MGLL: variants seen among roughly 807,000 people sequenced by gnomAD.
MGLL encodes lysophospholipase homolog.
A neutral mutation model predicts 29.1 loss-of-function variants in MGLL; 7 were observed. The observed-to-expected ratio is 0.24, with a 90% confidence interval of 0.14 to 0.45. The LOEUF (loss-of-function observed/expected upper bound fraction) is 0.45, where lower values mean the gene tolerates loss of function less well. MGLL is among the 20% of genes least tolerant of loss of function. The pLI is 0.99. For missense variants in MGLL, 356 were observed against 413.6 expected, an observed-to-expected ratio of 0.86 and a Z score of 1.21; for synonymous variants, 148 against 168.3, an observed-to-expected ratio of 0.88 and a Z score of 0.93.
At position 127,767,124 on chromosome 3, in the gene MGLL, T is replaced by C. The variant is rs146477118; in HGVS notation, c.262+14665A>G. Among the ~76,000 whole-genome samples the C allele has an allele frequency of 2.7e-3, 403 of 150,022 alleles. 2 individuals are homozygous for C. Among genetic ancestry groups the C allele is most frequent in the African/African-American group, 9.4e-3 (381 of 40,616 alleles). Reference sequence around the variant, plus strand: ...CCCCAAAAAACTAGTTAGGAAATTATCCTTTAAGGCTTACCTTCCTCATAT... The same window carrying C: ...CCCCAAAAAACTAGTTAGGAAATTACCCTTTAAGGCTTACCTTCCTCATAT... On this transcript the variant is annotated intron_variant, in intron 3 of 7. Transcript: ENST00000265052.
intron 6 of MGLL, among the ~76,000 whole-genome samples, chr3:127,706,991 C>T (rs2075615616): frequency 6.6e-6 from 1 of 152,194 alleles, no homozygotes; most frequent in African/African-American, 2.4e-5. Flanking sequence ...GAGCCAACTC[C>T]TCGACATTGG....
At chr3:127,730,145 A>G (rs1317595718) in intron 3 of MGLL, among the ~76,000 whole-genome samples, 6 of 152,162 alleles carry the variant, frequency 3.9e-5, no homozygotes, top group Non-Finnish European at 8.8e-5. Context: ...AGATTTCTGC[A>G]TCCAGTCTCC....
intron 7 of MGLL, 112 bp from the exon 8 acceptor site, chr3:127,692,435 A>G: frequency 5.8e-6 from 8 of 1,389,894 alleles, no homozygotes; most frequent in African/African-American, 1.4e-5. Context: ...CCCTCTCCCT[A>G]TGCCCGAGGA....
At chr3:127,735,695 C>G (rs1559933184) in intron 3 of MGLL, 2 of 1,594,754 alleles carry the variant, frequency 1.3e-6, no homozygotes, top group East Asian at 2.2e-5. Context: ...AATGAAACAG[C>G]TGAACATACC....
chr3:127,756,142 A>G (rs1023598307), intron 3 of MGLL, among the ~76,000 whole-genome samples: 2 of 152,256 alleles, frequency 1.3e-5, no homozygotes, highest in African/African-American at 4.8e-5. Flanking sequence ...GCAAAGAGGT[A>G]AATGAAGCTA....
At chr3:127,778,218 C>G (rs1239834967) in intron 3 of MGLL, among the ~76,000 whole-genome samples, 1 of 152,226 alleles carries the variant, frequency 6.6e-6, no homozygotes, top group Non-Finnish European at 1.5e-5. Context: ...GTGAAACCAC[C>G]ATAGGCAGCT....
At chr3:127,773,864 G>A (rs557581197) in intron 3 of MGLL, among the ~76,000 whole-genome samples, 5 of 152,158 alleles carry the variant, frequency 3.3e-5, no homozygotes, top group African/African-American at 7.2e-5. Context: ...TCCTAGGGTC[G>A]CCACCCAAGT....
intron 3 of MGLL, among the ~76,000 whole-genome samples, chr3:127,735,076 G>A (rs2076220708): frequency 6.6e-6 from 1 of 152,208 alleles, no homozygotes; most frequent in Non-Finnish European, 1.5e-5. Flanking sequence ...CCCAAAGGAA[G>A]AATTAAAGTC....
intron 2 of MGLL, among the ~76,000 whole-genome samples, chr3:127,804,287 C>T (rs1354952491): frequency 1.3e-5 from 2 of 152,194 alleles, no homozygotes; most frequent in Non-Finnish European, 2.9e-5. Flanking sequence ...CCCAGGAGGC[C>T]GGCAGTGAGC....
At chr3:127,771,748 C>G (rs764244390) in intron 3 of MGLL, among the ~76,000 whole-genome samples, 1 of 152,224 alleles carries the variant, frequency 6.6e-6, no homozygotes, top group Non-Finnish European at 1.5e-5. Flanking sequence ...TAGTGCCACA[C>G]TTACCATCTG....
At chr3:127,706,207 A>G (rs180902110) in intron 6 of MGLL, among the ~76,000 whole-genome samples, 1 of 152,280 alleles carries the variant, frequency 6.6e-6, no homozygotes, top group African/African-American at 2.4e-5. Flanking sequence ...TGCCCAGGCT[A>G]TGTTCCCACG....
chr3:127,778,870 GCCT>G (rs2077078053), intron 3 of MGLL, among the ~76,000 whole-genome samples: 2 of 140,930 alleles, frequency 1.4e-5, no homozygotes, highest in South Asian at 4.7e-4. Context: ...TCCCACTTCA[GCCT>G]CCTAAGTAGC....
At chr3:127,714,492 G>A (rs928902158) in intron 5 of MGLL, among the ~76,000 whole-genome samples, 1 of 152,216 alleles carries the variant, frequency 6.6e-6, no homozygotes, top group South Asian at 2.1e-4. Context: ...TAAAACTCCC[G>A]TGGCTGATGG....
chr3:127,710,882 C>T, intron 5 of MGLL: 1 of 551,286 alleles, frequency 1.8e-6, no homozygotes, highest in Non-Finnish European at 3.3e-6. Flanking sequence ...CTTGGGGGAG[C>T]TGGCCAGGCA....
In MGLL at chr3:127,781,789, C is replaced by T. The variant is rs1426769318; in HGVS notation, c.262G>A (p.Val88Ile). Residue 88 changes from valine (V) to isoleucine (I), a missense_variant and splice_region_variant, in exon 3 of 8, where the codon GTT becomes ATT. Physicochemically the swap from Val to Ile is conservative, Grantham distance 29. Coordinates refer to ENST00000265052, the MANE Select transcript of MGLL (RefSeq NM_007283.7). ...TCTGACGGCACCCTGGGACACTCAC[C>T]ATGGTCGTGGGCGAACACCAGCAGG... The part of the protein sequence containing the change: ...LDLLVFAHDH[V>I]GHGQSEGERM... The T allele has an allele frequency of 2.5e-6, 4 of 1,614,042 alleles. No homozygotes were observed. The African/African-American group carries it at 5.3e-5, about 22-fold the overall frequency.
chr3:127,706,605 T>C (rs2075607451), intron 6 of MGLL, among the ~76,000 whole-genome samples: 2 of 152,218 alleles, frequency 1.3e-5, no homozygotes, highest in African/African-American at 2.4e-5. Flanking sequence ...TGGAGCCATA[T>C]GCCCAAGAGA....
chr3:127,749,121 G>A (rs1162946465), intron 3 of MGLL, among the ~76,000 whole-genome samples: 2 of 152,174 alleles, frequency 1.3e-5, no homozygotes, highest in Non-Finnish European at 2.9e-5. Context: ...CCTGTGATCT[G>A]GGCAAAGTCG....
At chr3:127,715,782 C>T in intron 5 of MGLL, 1 of 456,744 alleles carries the variant, frequency 2.2e-6, no homozygotes, top group South Asian at 1.5e-5. Flanking sequence ...ATGACTGCTG[C>T]TCCTGCTCTC....
intron 3 of MGLL, among the ~76,000 whole-genome samples, chr3:127,749,153 A>G (rs1261715359): frequency 6.6e-6 from 1 of 152,240 alleles, no homozygotes; most frequent in Non-Finnish European, 1.5e-5. Context: ...CACTGGAATG[A>G]GGACTCCTCT....
Sources: allele counts gnomAD v4.1 joint callset (sites outside exome capture counted in the v4.1 genomes callset), GRCh38; gene constraint gnomAD v4.1.1; transcripts MANE v1.5; gene names NCBI Gene and HGNC (gene_info 2026-07-23, HGNC 2026-07-21).